ZNF718: variants seen among roughly 807,000 people sequenced by gnomAD.
The protein encoded by ZNF718 is zinc finger protein 718.
A neutral mutation model predicts 2.6 loss-of-function variants in ZNF718; 3 were observed. The ratio of observed to expected loss-of-function variants is 1.16; its 90% CI spans 0.53 to 3.01. The LOEUF (loss-of-function observed/expected upper bound fraction) is 3.01. Ranked by LOEUF, ZNF718 falls within the 30% of genes most tolerant of loss-of-function variation. The pLI is 0.03. For synonymous variants in ZNF718, 135 were observed against 77.9 expected, an observed-to-expected ratio of 1.73 and a Z score of -3.86; for missense variants, 468 against 230.0, an observed-to-expected ratio of 2.03 and a Z score of -6.69.
At chr4:148,164 G>A (rs759280336) in intron 3 of ZNF718, among the ~76,000 whole-genome samples, 2 of 152,186 alleles carry the variant, frequency 1.3e-5, no homozygotes, top group Non-Finnish European at 2.9e-5. Context: ...AGGGAATGGC[G>A]CTGGTTACAG....
rs1415214610 is a variant in ZNF718, at chr4:130,092, G to A, written c.4-696G>A. On this transcript the variant is annotated intron_variant, in intron 1 of 3. Transcript: ENST00000510175. ...GATGATGATTGGTGGTCTTGTCTTCGGATGTAAAGTATTTGTGTCGTGATA... is the reference window on the plus strand; with the variant it reads ...GATGATGATTGGTGGTCTTGTCTTCAGATGTAAAGTATTTGTGTCGTGATA... Among the ~76,000 whole-genome samples, 6 of 104,154 alleles carry A rather than the reference G, an allele frequency of 5.8e-5. 3 individuals carry two copies. The highest frequency in any genetic ancestry group is 8.6e-5 in the Non-Finnish European group (4 of 46,738). 68.3% of individuals were successfully genotyped at this position (104,154 alleles called of 152,430 possible). A position where few individuals can be genotyped will look rare whatever the true frequency, so the allele number is the denominator to read the frequency against.
Position 162,173 on chromosome 4 carries a change from A to G in ZNF718, c.*51A>G. On this transcript the variant is annotated 3_prime_UTR_variant, in exon 4 of 4. Transcript: ENST00000510175. ...AAGTCTTCCTCAGTCTTTTCTAATCATAATTCATACTGGAGAGAAACTCTA... is the reference window on the plus strand; with the variant it reads ...AAGTCTTCCTCAGTCTTTTCTAATCGTAATTCATACTGGAGAGAAACTCTA... 1 of 639,596 alleles carries G rather than the reference A, an allele frequency of 1.6e-6. No homozygotes were observed. The highest frequency in any genetic ancestry group is 2.8e-6 in the Non-Finnish European group (1 of 350,934). The allele number at this position is 639,596 out of a possible 1,614,324, so 39.6% of individuals were successfully genotyped here.
At chr4:201,774 C>G (rs528022812) in exon 5 of ZNF718, 2 of 183,792 alleles carry the variant, frequency 1.1e-5, no homozygotes, top group African/African-American at 4.7e-5. Flanking sequence ...CTACCTGATT[C>G]CATGCCACTG....
intron 3 of ZNF718, among the ~76,000 whole-genome samples, chr4:150,673 A>G (rs1363176007): frequency 6.6e-6 from 1 of 152,138 alleles, no homozygotes; most frequent in African/African-American, 2.4e-5. Context: ...GATTGATTCC[A>G]TATATTGGCT....
At chr4:132,670 T>G (rs1715376267) in intron 3 of ZNF718, among the ~76,000 whole-genome samples, 1 of 104,354 alleles carries the variant, frequency 9.6e-6, no homozygotes, top group African/African-American at 3.3e-5. Context: ...CTACAAAAAT[T>G]CTTACTCAGC....
chr4:139,703 G>A (rs1368495454), intron 3 of ZNF718, among the ~76,000 whole-genome samples: 1 of 152,298 alleles, frequency 6.6e-6, no homozygotes, highest in South Asian at 2.1e-4. Flanking sequence ...AACTGGTAAC[G>A]TATATTTTGG....
rs368836224 is a variant in ZNF718 at position 141,058 on chromosome 4, C to T, written c.226+9553C>T. On this transcript the variant is annotated intron_variant, in intron 3 of 3. Transcript: ENST00000510175. The stretch of plus-strand genomic sequence containing the variant: ...CTATCCGAAGTCTCTTCTAAAGTTG[C>T]GGAATTGTCCATATCCATTAGTTCA... 6.1e-4 allele frequency among the ~76,000 whole-genome samples: 93 copies of T among 152,172 alleles called. No homozygotes were observed. In the South Asian group the frequency reaches 0.018, roughly 29 times the overall value.
At chr4:147,631 A>C (rs1460642698) in intron 3 of ZNF718, among the ~76,000 whole-genome samples, 3 of 152,000 alleles carry the variant, frequency 2.0e-5, no homozygotes, top group Admixed American at 6.6e-5. Flanking sequence ...TGGGAGGCCA[A>C]GGCAGGTGAA....
intron 3 of ZNF718, among the ~76,000 whole-genome samples, chr4:197,359 A>G (rs1373406483): frequency 1.5e-4 from 23 of 152,180 alleles, no homozygotes; most frequent in Non-Finnish European, 2.8e-4. Context: ...AAAGACAAAG[A>G]TAACACACAA....
At chr4:185,048 G>T (rs1245558295) in intron 3 of ZNF718, among the ~76,000 whole-genome samples, 2 of 151,884 alleles carry the variant, frequency 1.3e-5, no homozygotes, top group Non-Finnish European at 2.9e-5. Context: ...GCTAACTTTG[G>T]GGTTTGTTTG....
chr4:198,963 A>G (rs1553822404), intron 3 of ZNF718, among the ~76,000 whole-genome samples: 1 of 152,218 alleles, frequency 6.6e-6, no homozygotes, highest in East Asian at 1.9e-4. Context: ...AGCACAGGCA[A>G]GTAACTTGCC....
At chr4:184,651 T>C (rs1717532997) in intron 3 of ZNF718, among the ~76,000 whole-genome samples, 1 of 152,186 alleles carries the variant, frequency 6.6e-6, no homozygotes, top group African/African-American at 2.4e-5. Flanking sequence ...CTGGGCTTTT[T>C]TTGGTCAGTA....
chr4:137,327 G>A (rs1223224346), intron 3 of ZNF718, among the ~76,000 whole-genome samples: 1 of 152,130 alleles, frequency 6.6e-6, no homozygotes, highest in Non-Finnish European at 1.5e-5. Context: ...AAACATGGAT[G>A]TGCAAATATT....
intron 3 of ZNF718, among the ~76,000 whole-genome samples, chr4:136,947 G>A (rs1201458511): frequency 6.6e-6 from 1 of 152,188 alleles, no homozygotes; most frequent in African/African-American, 2.4e-5. Flanking sequence ...AGTGTTGGAG[G>A]TGGGCCTGGT....
chr4:125,456 C>T (rs1450997510), intron 1 of ZNF718, among the ~76,000 whole-genome samples: 1 of 152,152 alleles, frequency 6.6e-6, no homozygotes, highest in Admixed American at 6.5e-5. Context: ...TCAGCGCTGA[C>T]TCTGGGTGGT....
chr4:142,271 T>TA (rs1281784904), intron 3 of ZNF718, among the ~76,000 whole-genome samples: 1 of 152,232 alleles, frequency 6.6e-6, no homozygotes, highest in South Asian at 2.1e-4. Flanking sequence ...TTTTTTTTCT[T>TA]ATGCTTCTAC....
At position 140,007 on chromosome 4, in the gene ZNF718, G is replaced by A. The variant is rs542836268; in HGVS notation, c.226+8502G>A. Among the ~76,000 whole-genome samples the A allele has an allele frequency of 2.0e-5, 3 of 152,194 alleles. No homozygotes were observed. The South Asian group carries it at 6.2e-4, about 32-fold the overall frequency. ...CTGTTTATAATTGCCCTGCCCAGAA[G>A]GGGGAATGACTTTTTTTTTTATCTT... On this transcript the variant is annotated intron_variant, in intron 3 of 3. Transcript: ENST00000510175.
rs7666491 is a variant in ZNF718 at position 157,854 on chromosome 4, T to C, written c.227-3058T>C. Among the ~76,000 whole-genome samples the C allele has an allele frequency of 2.4e-3, 370 of 152,316 alleles. 2 individuals carry two copies. Among genetic ancestry groups the C allele is most frequent in the African/African-American group, 8.2e-3 (342 of 41,580 alleles). ...TACAATTCTGTTAGGCATAATTTTT[T>C]AATACTGCTTTCAAGTCTTCTGCTC... On this transcript the variant is annotated intron_variant, in intron 3 of 3. Transcript: ENST00000510175.
At position 124,513 on chromosome 4, in the gene ZNF718, T is replaced by C. The variant is rs2108776012; in HGVS notation, c.-158T>C. On this transcript the variant is annotated 5_prime_UTR_variant, in exon 1 of 4. Coordinates refer to ENST00000510175, the MANE Select transcript of ZNF718 (RefSeq NM_001039127.6). ...CGGGATCTGGCGCGGCTTTTGCTTG[T>C]AGCTCCAGCCAGAGCTCGGTTAGGG... 2 of 1,034,506 alleles carry C rather than the reference T, an allele frequency of 1.9e-6. No homozygotes were observed. Among genetic ancestry groups the C allele is most frequent in the South Asian group, 2.5e-5 (2 of 78,558 alleles). 64.1% of individuals were successfully genotyped at this position (1,034,506 alleles called of 1,614,324 possible).
Sources: allele counts gnomAD v4.1 joint callset (sites outside exome capture counted in the v4.1 genomes callset), GRCh38; gene constraint gnomAD v4.1.1; transcripts MANE v1.5; gene names NCBI Gene and HGNC (gene_info 2026-07-23, HGNC 2026-07-21).